TESMIN: variants seen among roughly 807,000 people sequenced by gnomAD.
The protein encoded by TESMIN is CXC domain containing 2.
TESMIN carries 34 observed loss-of-function variants against 47.4 expected under a neutral mutation model. The ratio of observed to expected loss-of-function variants is 0.72; its 90% CI spans 0.55 to 0.96. The LOEUF is 0.96. TESMIN is among the 40% of genes least tolerant of loss of function. The probability of loss-of-function intolerance (pLI) is 0.00; values close to 1 mark genes in which losing one functional copy is unlikely to be tolerated. For synonymous variants in TESMIN, 278 were observed against 258.9 expected, an observed-to-expected ratio of 1.07 and a Z score of -0.71; for missense variants, 610 against 637.2, an observed-to-expected ratio of 0.96 and a Z score of 0.46.
At chr11:68,728,791 T>C (rs1292494066) in intron 6 of TESMIN, among the ~76,000 whole-genome samples, 1 of 152,262 alleles carries the variant, frequency 6.6e-6, no homozygotes, top group African/African-American at 2.4e-5. Context: ...TACTCTGCCT[T>C]GTGCTTTACA....
chr11:68,750,373 C>T lies in TESMIN; in HGVS notation c.288G>A (p.Glu96=), dbSNP rs1007341850. The change falls in exon 2 of 10, where the codon GAG becomes GAA. Residue 96 remains glutamate, a synonymous_variant. Coordinates refer to ENST00000255087, the MANE Select transcript of TESMIN (RefSeq NM_004923.3). ...CGCTGAGCTCTGGGATCCCGGGGTA[C>T]TCCCCGAGGAGCTCCCCGCCGTCGC... ...GDSDGGELLG[E]YPGIPELSAL... is the part of the protein sequence containing the mutation. 9 of 1,509,878 alleles carry T rather than the reference C, an allele frequency of 6.0e-6. No individual in the cohort carries two copies. In the African/African-American group the frequency reaches 1.1e-4, roughly 19 times the overall value. 93.5% of individuals were successfully genotyped at this position (1,509,878 alleles called of 1,614,324 possible).
intron 4 of TESMIN, among the ~76,000 whole-genome samples, chr11:68,744,718 T>C (rs1946496997): frequency 6.6e-6 from 1 of 152,194 alleles, no homozygotes; most frequent in Non-Finnish European, 1.5e-5. Flanking sequence ...GCAGTGTCGG[T>C]CTGAGTCATC....
intron 3 of TESMIN, among the ~76,000 whole-genome samples, 189 bp from the exon 4 acceptor site, chr11:68,745,300 C>CAAAAAAA (rs71993839): frequency 2.8e-5 from 2 of 72,474 alleles, no homozygotes; most frequent in African/African-American, 1.0e-4. Flanking sequence ...CACCAAAGGG[C>CAAAAAAA]AAAAAAAAAA....
At chr11:68,714,959 T>C (rs1233458545) in intron 7 of TESMIN, among the ~76,000 whole-genome samples, 1 of 152,250 alleles carries the variant, frequency 6.6e-6, no homozygotes, top group African/African-American at 2.4e-5. Context: ...TAAAATGTAC[T>C]AAAGTTTACA....
In TESMIN at chr11:68,747,261, G is replaced by C; in HGVS notation, c.577C>G (p.Gln193Glu). Residue 193 changes from glutamine to glutamate, a missense_variant, in exon 3 of 10, where the codon CAG becomes GAG. Physicochemically the swap from Gln to Glu is conservative, Grantham distance 29. Coordinates refer to ENST00000255087, the MANE Select transcript of TESMIN (RefSeq NM_004923.3). Reference sequence around the variant, plus strand: ...CAGCAGGAGGCATCCTCTAGTTCCTGGGACGATGGGAACTTGCAACAGGAT... The same window carrying C: ...CAGCAGGAGGCATCCTCTAGTTCCTCGGACGATGGGAACTTGCAACAGGAT... The part of the protein sequence containing the change: ...QESCCKFPSS[Q>E]ELEDASCCSL... The C allele has an allele frequency of 6.2e-7, 1 of 1,614,070 alleles. No homozygotes were observed. Among genetic ancestry groups the C allele is most frequent in the Non-Finnish European group, 8.5e-7 (1 of 1,179,922 alleles).
At chr11:68,720,116 A>G (rs1216742558) in intron 6 of TESMIN, among the ~76,000 whole-genome samples, 1 of 152,194 alleles carries the variant, frequency 6.6e-6, no homozygotes, top group Non-Finnish European at 1.5e-5. Context: ...TTTTCAAAGC[A>G]TTGGCAGAAA....
chr11:68,711,309 T>C (rs979119880), intron 8 of TESMIN, among the ~76,000 whole-genome samples: 10 of 150,694 alleles, frequency 6.6e-5, no homozygotes, highest in Non-Finnish European at 1.2e-4. Flanking sequence ...TATATGAGTG[T>C]GTGTGGGGTG....
At chr11:68,732,444 T>A (rs1946339363) in intron 6 of TESMIN, 1 of 152,750 alleles carries the variant, frequency 6.5e-6, no homozygotes, top group Admixed American at 6.5e-5. Context: ...TTCATGGTCA[T>A]TTGACCTGCC....
intron 6 of TESMIN, among the ~76,000 whole-genome samples, chr11:68,717,117 CCT>C (rs1946149282): frequency 6.6e-6 from 1 of 152,248 alleles, no homozygotes; most frequent in Non-Finnish European, 1.5e-5. Flanking sequence ...TCTGCAGAAA[CCT>C]CTCTGGGGCA....
chr11:68,735,787 T>C (rs1387970576), intron 6 of TESMIN, among the ~76,000 whole-genome samples: 1 of 152,220 alleles, frequency 6.6e-6, no homozygotes, highest in Non-Finnish European at 1.5e-5. Context: ...ATGGAAGAAG[T>C]GAAAACCAAA....
Position 68,731,446 on chromosome 11 carries a change from A to T in TESMIN, c.917+7254T>A, listed in dbSNP as rs1028091840. Reference sequence around the variant, plus strand: ...CTGTCTGAAAAAAGAGTTATAAAATAAAAAAAAAAATACTGTCATGTGTTT... The same window carrying T: ...CTGTCTGAAAAAAGAGTTATAAAATTAAAAAAAAAATACTGTCATGTGTTT... On this transcript the variant is annotated intron_variant, in intron 6 of 9. Transcript: ENST00000255087. 1.9e-3 allele frequency among the ~76,000 whole-genome samples: 6 copies of T among 3,164 alleles called. No individual in the cohort carries two copies. In the African/African-American group the frequency reaches 0.019, roughly 10 times the overall value. The allele number at this position is 3,164 out of a possible 152,430, so 2.1% of individuals were successfully genotyped here. A position where few individuals can be genotyped will look rare whatever the true frequency, so the allele number is the denominator to read the frequency against.
At chr11:68,715,167 C>T (rs932143789) in intron 7 of TESMIN, among the ~76,000 whole-genome samples, 1 of 152,196 alleles carries the variant, frequency 6.6e-6, no homozygotes, top group African/African-American at 2.4e-5. Flanking sequence ...AATTTCCCTT[C>T]GTGAATGAGT....
At chr11:68,721,407 C>T (rs12419266) in intron 6 of TESMIN, among the ~76,000 whole-genome samples, 2 of 152,162 alleles carry the variant, frequency 1.3e-5, no homozygotes, top group Admixed American at 6.5e-5. Flanking sequence ...AAGCCTTCCC[C>T]GACTGCCATG....
Position 68,708,220 on chromosome 11 carries a change from G to A in TESMIN, c.*88C>T. 2 of 1,330,674 alleles carry A rather than the reference G, an allele frequency of 1.5e-6. No homozygotes were observed. Among genetic ancestry groups the A allele is most frequent in the Non-Finnish European group, 2.1e-6 (2 of 965,766 alleles). 82.4% of individuals were successfully genotyped at this position (1,330,674 alleles called of 1,614,324 possible). A position where few individuals can be genotyped will look rare whatever the true frequency, so the allele number is the denominator to read the frequency against. ...GCAGGGGAGCCTGGTTGTTGCTGCA[G>A]AGCCAGCCTCATGTTCCCCTAAACA... On this transcript the variant is annotated 3_prime_UTR_variant, in exon 10 of 10. Transcript: ENST00000255087.
In TESMIN at chr11:68,707,848, C is replaced by CT. The variant is rs1220472358; in HGVS notation, c.*459dup. ...GTATCACAACAGCCCATCCGGAGAA[C>CT]TTATTTCTAAATAATTTGAAAAACA... is the stretch of plus-strand genomic sequence containing the variant. On this transcript the variant is annotated 3_prime_UTR_variant, in exon 10 of 10. Coordinates refer to ENST00000255087, the MANE Select transcript of TESMIN (RefSeq NM_004923.3). The CT allele has an allele frequency of 5.7e-5, 26 of 456,348 alleles. No homozygotes were observed. Among genetic ancestry groups the CT allele is most frequent in the African/African-American group, 4.8e-4 (24 of 50,096 alleles). The allele number at this position is 456,348 out of a possible 1,614,324, so 28.3% of individuals were successfully genotyped here.
rs1361007422 is a variant in TESMIN, at chr11:68,744,863, GACT to G, written c.751+125_751+127del. On this transcript the variant is annotated intron_variant, in intron 4 of 9. Coordinates refer to ENST00000255087, the MANE Select transcript of TESMIN (RefSeq NM_004923.3). ...TTTATATTCTTAGCTTACTAATATG[GACT>G]ACGAGGTTTGCCAAATTTCCTATTT... 29 of 690,582 alleles carry G rather than the reference GACT, an allele frequency of 4.2e-5. No individual in the cohort carries two copies. The South Asian group carries it at 5.9e-4, about 14-fold the overall frequency. 42.8% of individuals were successfully genotyped at this position (690,582 alleles called of 1,614,324 possible). A position where few individuals can be genotyped will look rare whatever the true frequency, so the allele number is the denominator to read the frequency against.
intron 5 of TESMIN, among the ~76,000 whole-genome samples, chr11:68,739,378 C>T (rs1030212830): frequency 1.3e-5 from 2 of 152,170 alleles, no homozygotes; most frequent in African/African-American, 4.8e-5. Flanking sequence ...AAGGAACAGG[C>T]AGCAAAGCCA....
Position 68,708,001 on chromosome 11 carries a change from C to T in TESMIN, c.*307G>A. On this transcript the variant is annotated 3_prime_UTR_variant, in exon 10 of 10. Coordinates refer to ENST00000255087, the MANE Select transcript of TESMIN (RefSeq NM_004923.3). ...CTCCCCTGCCCCGCTCTGCCCTTCG[C>T]AGGGCCTGCTGTGCCCTCCCCTGCC... is the stretch of plus-strand genomic sequence containing the variant. 2.2e-6 allele frequency: 1 copy of T among 449,934 alleles called. No individual in the cohort carries two copies. The highest frequency in any genetic ancestry group is 4.3e-6 in the Non-Finnish European group (1 of 234,864). 27.9% of individuals were successfully genotyped at this position (449,934 alleles called of 1,614,324 possible). A position where few individuals can be genotyped will look rare whatever the true frequency, so the allele number is the denominator to read the frequency against.
At chr11:68,744,871 G>A (rs1467056246) in intron 4 of TESMIN, 120 bp downstream of exon 4, 9 of 795,468 alleles carry the variant, frequency 1.1e-5, no homozygotes, top group Non-Finnish European at 1.5e-5. Context: ...TGGACTACGA[G>A]GTTTGCCAAA....
Sources: allele counts gnomAD v4.1 joint callset (sites outside exome capture counted in the v4.1 genomes callset), GRCh38; gene constraint gnomAD v4.1.1; transcripts MANE v1.5; gene names NCBI Gene and HGNC (gene_info 2026-07-23, HGNC 2026-07-21).